OOEP: variants seen among roughly 807,000 people sequenced by gnomAD.
The protein encoded by OOEP is oocyte expressed protein, also known as oocyte-expressed protein homolog.
In OOEP, 16 loss-of-function variants were observed where a neutral mutation model predicts 13.7. That is an observed-to-expected ratio of 1.16 (90% CI 0.79 to 1.77). The LOEUF is 1.77. Among genes scored for constraint, OOEP ranks in the 40% most tolerant of loss-of-function variants. The pLI is 0.00. For missense variants in OOEP, 195 were observed against 193.1 expected, an observed-to-expected ratio of 1.01 and a Z score of -0.06; for synonymous variants, 89 against 77.1, an observed-to-expected ratio of 1.15 and a Z score of -0.81.
At chr6:73,390,293 CTT>C (rs1032871321) in intron 2 of OOEP, among the ~76,000 whole-genome samples, 3 of 152,148 alleles carry the variant, frequency 2.0e-5, no homozygotes, top group Non-Finnish European at 4.4e-5. Flanking sequence ...CCTTTTTAGA[CTT>C]TATCTTTTAG....
At chr6:73,373,704 C>G (rs62440587), upstream of OOEP, among the ~76,000 whole-genome samples, 33,537 of 151,976 alleles carry the variant, frequency 0.22, 4,353 homozygotes, top group Non-Finnish European at 0.29. Flanking sequence ...ATTCTCCTGC[C>G]TAGGCCTCCC....
chr6:73,394,425 G>A, exon 2 of OOEP: 1 of 711,786 alleles, frequency 1.4e-6, no homozygotes. Flanking sequence ...GAGGCTGGAA[G>A]ATCACTTGAA....
At chr6:73,372,430 C>G (rs1769071063), upstream of OOEP, among the ~76,000 whole-genome samples, 1 of 152,152 alleles carries the variant, frequency 6.6e-6, no homozygotes, top group South Asian at 2.1e-4. Context: ...TTATTTCTTC[C>G]TCAAGGAAGA....
At chr6:73,373,073 A>C, upstream of OOEP, 1 of 1,522,592 alleles carries the variant, frequency 6.6e-7, no homozygotes, top group Non-Finnish European at 9.1e-7. Context: ...ACCTTCAGAC[A>C]GCATAAATAT....
Position 73,383,551 on chromosome 6 carries a change from C to T in OOEP, c.25+10795G>A, listed in dbSNP as rs925772621. ...TCAGAAGGCTGAGGCAGGAGAATAA[C>T]TTGAACCTGGGAGGCGGAGGTTGCA... On this transcript the variant is annotated intron_variant, in intron 2 of 3. Coordinates refer to the OOEP transcript ENST00000370363. Among the ~76,000 whole-genome samples the T allele has an allele frequency of 3.3e-5, 5 of 152,120 alleles. No individual in the cohort carries two copies. The East Asian group carries it at 9.6e-4, about 29-fold the overall frequency.
At chr6:73,387,802 C>T (rs1769294945) in intron 2 of OOEP, 1 of 152,018 alleles carries the variant, frequency 6.6e-6, no homozygotes, top group South Asian at 2.1e-4. Flanking sequence ...AAAAACAGAC[C>T]CTTCTAAATC....
chr6:73,372,279 G>C (rs950267435), upstream of OOEP, among the ~76,000 whole-genome samples: 1 of 152,132 alleles, frequency 6.6e-6, no homozygotes, highest in African/African-American at 2.4e-5. Context: ...ACTTCCTGGT[G>C]TGGAAAAGAT....
At chr6:73,381,905 C>T (rs947971078) in intron 2 of OOEP, among the ~76,000 whole-genome samples, 11 of 152,116 alleles carry the variant, frequency 7.2e-5, no homozygotes, top group African/African-American at 2.7e-4. Flanking sequence ...CACTTGAACC[C>T]GGGAGGCAGA....
intron 2 of OOEP, among the ~76,000 whole-genome samples, chr6:73,377,241 T>C (rs540689723): frequency 6.6e-6 from 1 of 152,278 alleles, no homozygotes; most frequent in South Asian, 2.1e-4. Flanking sequence ...AATATAATCC[T>C]GTGAAAACTG....
chr6:73,387,027 G>A (rs916574988), intron 2 of OOEP, among the ~76,000 whole-genome samples: 2 of 145,050 alleles, frequency 1.4e-5, no homozygotes, highest in Admixed American at 7.2e-5. Context: ...CAATGAAAGG[G>A]CTAAAACCAA....
upstream of OOEP, among the ~76,000 whole-genome samples, chr6:73,374,887 G>A (rs568438186): frequency 5.3e-5 from 8 of 152,200 alleles, no homozygotes; most frequent in South Asian, 4.2e-4. Context: ...GTGCAGTGGC[G>A]GGATCTTGGC....
At chr6:73,379,634 A>G (rs1288908937) in intron 2 of OOEP, among the ~76,000 whole-genome samples, 5 of 84,810 alleles carry the variant, frequency 5.9e-5, no homozygotes, top group Non-Finnish European at 1.3e-4. Context: ...GTGAGACTCT[A>G]TCTCAAAAAA....
chr6:73,386,091 CTTTTTTT>C (rs553140658), intron 2 of OOEP, among the ~76,000 whole-genome samples: 2 of 134,816 alleles, frequency 1.5e-5, no homozygotes, highest in South Asian at 2.4e-4. Flanking sequence ...ACATGCTTTT[CTTTTTTT>C]TTTTTTTTTT....
chr6:73,381,020 G>A (rs902389505), intron 2 of OOEP, among the ~76,000 whole-genome samples: 2 of 151,708 alleles, frequency 1.3e-5, no homozygotes, highest in Admixed American at 6.6e-5. Context: ...TTAGCTAGGC[G>A]TGGTGGCGGG....
chr6:73,370,825 A>T (rs1769037383), upstream of OOEP, among the ~76,000 whole-genome samples: 1 of 152,158 alleles, frequency 6.6e-6, no homozygotes, highest in African/African-American at 2.4e-5. Flanking sequence ...TCTCTTGCCT[A>T]GGCTGGAATG....
Position 73,377,899 on chromosome 6 carries a change from TC to T in OOEP, c.26-8515del, listed in dbSNP as rs1460312697. On this transcript the variant is annotated intron_variant, in intron 2 of 3. Coordinates refer to the OOEP transcript ENST00000370363. ...TATGTTGCCAAGGTTGGTCTTGAAC[TC>T]TTGGCCGCAAGCGAGCCTTCTACCT... Among the ~76,000 whole-genome samples the T allele has an allele frequency of 3.3e-5, 5 of 152,290 alleles. No individual in the cohort carries two copies. In the South Asian group the frequency reaches 1.0e-3, roughly 32 times the overall value.
intron 2 of OOEP, chr6:73,391,729 C>T (rs1769350481): frequency 6.4e-6 from 1 of 155,310 alleles, no homozygotes; most frequent in Non-Finnish European, 1.4e-5. Flanking sequence ...CAAAGAGATT[C>T]TGGCAGCCAG....
At chr6:73,373,426 A>G (rs192830814), upstream of OOEP, among the ~76,000 whole-genome samples, 23 of 152,264 alleles carry the variant, frequency 1.5e-4, no homozygotes, top group African/African-American at 4.8e-4. Flanking sequence ...GGTGCATGCC[A>G]TCACACCCAC....
At position 73,369,620 on chromosome 6, in the gene OOEP, A is replaced by G; in HGVS notation, c.173T>C (p.Leu58Pro). ...TCGCTCACCAAAGAGCTCGTCTGCC[A>G]GCCATGCCTCTAGGTAGAACACCAA... is the stretch of plus-strand genomic sequence containing the variant. ...DPLVFYLEAW[L>P]ADELFGPDRA... The change falls in exon 1 of 3, where the codon CTG becomes CCG. Residue 58 changes from leucine (L) to proline (P), a missense_variant. By Grantham distance (98) the Leu-to-Pro change is moderately conservative. Coordinates refer to ENST00000370359, the MANE Select transcript of OOEP (RefSeq NM_001080507.3). 1 of 1,613,796 alleles carries G rather than the reference A, an allele frequency of 6.2e-7. No individual in the cohort carries two copies. The highest frequency in any genetic ancestry group is 8.5e-7 in the Non-Finnish European group (1 of 1,179,696).
Sources: allele counts gnomAD v4.1 joint callset (sites outside exome capture counted in the v4.1 genomes callset), GRCh38; gene constraint gnomAD v4.1.1; transcripts MANE v1.5; gene names NCBI Gene and HGNC (gene_info 2026-07-23, HGNC 2026-07-21).